Variants in SCEL observed in about 807,000 individuals in gnomAD.
SCEL encodes the protein sciellin.
A neutral mutation model predicts 117.6 loss-of-function variants in SCEL; 113 were observed. The observed-to-expected ratio is 0.96, with a 90% CI of 0.83 to 1.12. The LOEUF (loss-of-function observed/expected upper bound fraction) is 1.12, where lower values mean the gene tolerates loss of function less well. Among genes scored for constraint, SCEL ranks in the 50% most tolerant of loss-of-function variants. The probability of loss-of-function intolerance (pLI) is 0.00; values close to 1 mark genes in which losing one functional copy is unlikely to be tolerated. For missense variants in SCEL, 785 were observed against 810.8 expected (o/e 0.97, Z 0.39); for synonymous variants, 270 against 256.2 (o/e 1.05, Z -0.51).
rs371218981 is a variant in SCEL at position 77,603,104 on chromosome 13, G to C, written c.1066G>C (p.Val356Leu). The change falls in exon 18 of 33, where the codon GTA (valine) becomes CTA (leucine). Residue 356 changes from valine (V) to leucine (L), a missense_variant. By Grantham distance (32) the Val-to-Leu change is conservative (BLOSUM62 1). Transcript: ENST00000349847. The part of the protein sequence containing the change: ...RSEDLDNATE[V>L]NPKGHENTTG... ...TGAAGACCTTGATAATGCTACTGAA[G>C]TAAATCCCAAAGGACATGAAAATAC... 1.5e-5 allele frequency: 23 copies of C among 1,565,438 alleles called. 1 individual carries two copies. In the African/African-American group the frequency reaches 2.9e-4, roughly 20 times the overall value.
chr13:77,634,312 A>C, intron 28 of SCEL, 67 bp from the exon 29 acceptor site: 1 of 1,273,096 alleles, frequency 7.9e-7, no homozygotes, highest in Admixed American at 1.7e-5. Flanking sequence ...TGAATTAGAA[A>C]ATAGCCTTGT....
At chr13:77,615,724 T>C (rs903462458) in intron 24 of SCEL, among the ~76,000 whole-genome samples, 5 of 152,132 alleles carry the variant, frequency 3.3e-5, no homozygotes, top group Non-Finnish European at 1.5e-5. Flanking sequence ...TTTCAAAAAT[T>C]GCATGATGCT....
intron 15 of SCEL, among the ~76,000 whole-genome samples, chr13:77,601,750 C>T (rs757235034): frequency 4.6e-5 from 7 of 152,116 alleles, no homozygotes; most frequent in African/African-American, 9.7e-5. Context: ...TCTCAATATA[C>T]GTATTAAAAT....
intron 28 of SCEL, among the ~76,000 whole-genome samples, chr13:77,633,419 G>C (rs1473769788): frequency 8.4e-6 from 1 of 119,662 alleles, no homozygotes; most frequent in African/African-American, 3.3e-5. Context: ...GTCCGGCCTG[G>C]GCGACAGAGC....
At chr13:77,620,524 A>T (rs1283516440) in intron 27 of SCEL, among the ~76,000 whole-genome samples, 2 of 152,246 alleles carry the variant, frequency 1.3e-5, no homozygotes, top group African/African-American at 4.8e-5. Flanking sequence ...GCCATTGATC[A>T]GAATGTAAGC....
At chr13:77,606,789 G>A (rs868490560) in intron 19 of SCEL, among the ~76,000 whole-genome samples, 1 of 152,092 alleles carries the variant, frequency 6.6e-6, no homozygotes, top group Non-Finnish European at 1.5e-5. Flanking sequence ...AAAACCTTGG[G>A]GCTTTTGGAC....
chr13:77,541,700 T>C (rs2083711833), intron 1 of SCEL, among the ~76,000 whole-genome samples: 1 of 152,126 alleles, frequency 6.6e-6, no homozygotes, highest in South Asian at 2.1e-4. Context: ...TGATTAAAGG[T>C]GTCTGATTTT....
chr13:77,591,451 G>T lies in SCEL; in HGVS notation c.683G>T (p.Arg228Ile), dbSNP rs1297173724. 3 of 1,548,042 alleles carry T rather than the reference G, an allele frequency of 1.9e-6. 1 individual carries two copies. The highest frequency in any genetic ancestry group is 2.2e-5 in the South Asian group (2 of 89,120). The stretch of plus-strand genomic sequence containing the variant: ...ACAGAAACCAACAGATCTGCTGAAA[G>T]AAATATAAGGTACACTGATTTCTAT... ...VYTETNRSAE[R>I]NIRSQDLDNI... The change falls in exon 11 of 33, where the codon AGA becomes ATA. Residue 228 changes from arginine to isoleucine, a missense_variant. Arg to Ile is a moderately conservative substitution (Grantham distance 97). Coordinates refer to ENST00000349847, the MANE Select transcript of SCEL (RefSeq NM_144777.3).
chr13:77,621,900 G>T (rs561483146), intron 27 of SCEL, among the ~76,000 whole-genome samples: 17 of 152,216 alleles, frequency 1.1e-4, no homozygotes, highest in African/African-American at 3.6e-4. Context: ...GAAATTCTTG[G>T]TCGCATCTTA....
intron 12 of SCEL, among the ~76,000 whole-genome samples, chr13:77,595,056 G>A (rs2154400649): frequency 6.6e-6 from 1 of 152,272 alleles, no homozygotes; most frequent in East Asian, 1.9e-4. Flanking sequence ...CAGTGGTTTG[G>A]TGGGTGATCG....
At chr13:77,629,649 A>G (rs1171742872) in intron 28 of SCEL, among the ~76,000 whole-genome samples, 1 of 152,186 alleles carries the variant, frequency 6.6e-6, no homozygotes, top group Non-Finnish European at 1.5e-5. Flanking sequence ...ATCAACTCCC[A>G]AAAGGCAGAG....
chr13:77,599,441 T>C, intron 14 of SCEL, 53 bp downstream of exon 14: 1 of 1,457,056 alleles, frequency 6.9e-7, no homozygotes, highest in Non-Finnish European at 9.6e-7. Context: ...TTGCTCGTCT[T>C]ATTCCCTCAG....
At position 77,589,464 on chromosome 13, in the gene SCEL, T is replaced by G. The variant is rs534499374; in HGVS notation, c.626+240T>G. 3.9e-5 allele frequency among the ~76,000 whole-genome samples: 6 copies of G among 152,318 alleles called. No homozygotes were observed. The East Asian group carries it at 1.2e-3, about 29-fold the overall frequency. On this transcript the variant is annotated intron_variant, in intron 10 of 32. Coordinates refer to ENST00000349847, the MANE Select transcript of SCEL (RefSeq NM_144777.3). Reference sequence around the variant, plus strand: ...TGCCTTCAAGATAAAAATGGAACAATATTCATGTTCAGAAAGTGTTTGTAC... The same window carrying G: ...TGCCTTCAAGATAAAAATGGAACAAGATTCATGTTCAGAAAGTGTTTGTAC...
At chr13:77,599,222 A>G in intron 13 of SCEL, 107 bp from the exon 14 acceptor site, 1 of 753,552 alleles carries the variant, frequency 1.3e-6, no homozygotes. Context: ...CATCTTCCCC[A>G]ACAAGCTTCT....
rs753163460 is a variant in SCEL, at chr13:77,604,440, C to A, written c.1157+25C>A. 31 of 1,551,378 alleles carry A rather than the reference C, an allele frequency of 2.0e-5. No individual in the cohort carries two copies. In the African/African-American group the frequency reaches 3.1e-4, roughly 15 times the overall value. ...GGTAAGACATTTAAAGCTCCCCCCT[C>A]CCCTTTGTTTGGCATTTAGAAGGAC... On this transcript the variant is annotated intron_variant, in intron 19 of 32. Transcript: ENST00000349847.
intron 28 of SCEL, among the ~76,000 whole-genome samples, chr13:77,629,792 G>A (rs2089945729): frequency 2.0e-5 from 3 of 152,186 alleles, no homozygotes; most frequent in African/African-American, 7.2e-5. Flanking sequence ...GTAGAAATAT[G>A]ATTGGACAAA....
At chr13:77,617,926 T>A in intron 26 of SCEL, 64 bp downstream of exon 26, 1 of 1,577,332 alleles carries the variant, frequency 6.3e-7, no homozygotes, top group South Asian at 1.1e-5. Flanking sequence ...AGTGGATTTA[T>A]AATGTTGCTT....
chr13:77,559,417 A>C (rs1213290019), intron 3 of SCEL, among the ~76,000 whole-genome samples: 3 of 152,216 alleles, frequency 2.0e-5, no homozygotes, highest in Non-Finnish European at 4.4e-5. Flanking sequence ...ACTTAAACAC[A>C]ATTTGTGGAA....
chr13:77,574,533 A>C (rs930009000), intron 9 of SCEL, among the ~76,000 whole-genome samples: 1 of 152,248 alleles, frequency 6.6e-6, no homozygotes, highest in African/African-American at 2.4e-5. Flanking sequence ...GGAGAGAATA[A>C]TAACAATATA....
Sources: allele counts gnomAD v4.1 joint callset (sites outside exome capture counted in the v4.1 genomes callset), GRCh38; gene constraint gnomAD v4.1.1; transcripts MANE v1.5; gene names NCBI Gene and HGNC (gene_info 2026-07-23, HGNC 2026-07-21).